FGF14: variants seen among roughly 807,000 people sequenced by gnomAD.
FGF14 encodes fibroblast growth factor homologous factor 4.
Under a neutral mutation model 25.5 loss-of-function variants are expected in FGF14, and 5 were observed. That is an observed-to-expected ratio of 0.20 (90% CI 0.10 to 0.41). The LOEUF is 0.41. FGF14 is among the 10% of genes least tolerant of loss of function. The pLI is 1.00. For synonymous variants in FGF14, 138 were observed against 118.3 expected (o/e 1.17, Z -1.08); for missense variants, 222 against 320.1 (o/e 0.69, Z 2.34).
intron 1 of FGF14, among the ~76,000 whole-genome samples, chr13:102,062,974 T>C (rs928081982): frequency 3.3e-5 from 5 of 152,220 alleles, no homozygotes; most frequent in Non-Finnish European, 5.9e-5. Context: ...AAAAATATGT[T>C]CTCTGCTAAG....
chr13:101,778,865 A>G (rs943514007), intron 3 of FGF14: 16 of 57,450 alleles, frequency 2.8e-4, no homozygotes, highest in African/African-American at 7.4e-4. Context: ...TGCTTTTAGA[A>G]AAAAAAAAAA....
rs541456137 is a variant in FGF14 at position 102,226,377 on chromosome 13, C to T, written c.208+175094G>A. Among the ~76,000 whole-genome samples the T allele has an allele frequency of 2.0e-5, 3 of 152,316 alleles. No homozygotes were observed. In the South Asian group the frequency reaches 6.2e-4, roughly 32 times the overall value. On this transcript the variant is annotated intron_variant, in intron 1 of 4. Transcript: ENST00000376131. ...AAAGAAAGAGCTCCATAAATAATAG[C>T]TAGCTATGCTAATTTTAAAGTTATC...
chr13:101,803,422 A>T (rs1203892727), intron 3 of FGF14, among the ~76,000 whole-genome samples: 1 of 152,140 alleles, frequency 6.6e-6, no homozygotes, highest in Non-Finnish European at 1.5e-5. Context: ...AAGCTATCAT[A>T]CCCAGCTGAA....
At chr13:102,247,147 G>A (rs539013516) in intron 1 of FGF14, among the ~76,000 whole-genome samples, 20 of 152,124 alleles carry the variant, frequency 1.3e-4, no homozygotes, top group African/African-American at 4.1e-4. Flanking sequence ...AGACAACCTA[G>A]GCAATATCAC....
chr13:101,865,867 A>T (rs1017880771), intron 3 of FGF14, among the ~76,000 whole-genome samples: 2 of 152,130 alleles, frequency 1.3e-5, no homozygotes, highest in African/African-American at 4.8e-5. Context: ...CAAAAATTAA[A>T]TTAACTTTTT....
At chr13:102,213,206 G>A (rs1042032763) in intron 1 of FGF14, among the ~76,000 whole-genome samples, 12 of 152,240 alleles carry the variant, frequency 7.9e-5, no homozygotes, top group Admixed American at 6.5e-4. Flanking sequence ...GAATTCTGCC[G>A]TTACCTTTTA....
intron 1 of FGF14, among the ~76,000 whole-genome samples, chr13:102,021,299 C>A (rs1425544791): frequency 6.6e-6 from 1 of 152,006 alleles, no homozygotes. Context: ...TTGAAACATT[C>A]TACTTAGCTC....
intron 3 of FGF14, among the ~76,000 whole-genome samples, chr13:101,792,016 T>G (rs1201118450): frequency 1.3e-5 from 2 of 152,168 alleles, no homozygotes; most frequent in African/African-American, 4.8e-5. Context: ...GAAGCCTTAT[T>G]TGGCCTTTGT....
intron 1 of FGF14, among the ~76,000 whole-genome samples, chr13:102,086,063 A>T (rs1282275218): frequency 6.6e-6 from 1 of 152,198 alleles, no homozygotes. Flanking sequence ...TTTAAAACCC[A>T]TGTAGGGATT....
intron 1 of FGF14, among the ~76,000 whole-genome samples, chr13:102,148,073 C>T (rs535415962): frequency 6.8e-4 from 103 of 152,136 alleles, no homozygotes; most frequent in Non-Finnish European, 1.3e-3. Flanking sequence ...AAGCATAGAG[C>T]CTCCAAGGCT....
chr13:101,939,835 G>A lies in FGF14; in HGVS notation c.209-64539C>T, dbSNP rs1014311368. On this transcript the variant is annotated intron_variant, in intron 1 of 4. Transcript: ENST00000376131. ...AAACCACCTCATATTAAATAAAAAC[G>A]AGACAAAGAAATGGCATGCTTTAGA... Among the ~76,000 whole-genome samples the A allele has an allele frequency of 3.3e-5, 5 of 152,264 alleles. No homozygotes were observed. In the South Asian group the frequency reaches 6.2e-4, roughly 19 times the overall value.
intron 1 of FGF14, among the ~76,000 whole-genome samples, chr13:102,275,999 C>T (rs1344356892): frequency 6.6e-6 from 1 of 151,974 alleles, no homozygotes; most frequent in African/African-American, 2.4e-5. Flanking sequence ...TGAGCTACTT[C>T]TCTACTACTG....
At chr13:101,746,248 G>A (rs749611326) in intron 3 of FGF14, among the ~76,000 whole-genome samples, 20 of 151,844 alleles carry the variant, frequency 1.3e-4, no homozygotes, top group Admixed American at 2.6e-4. Flanking sequence ...CAACTATTCA[G>A]TTAGAACCTA....
intron 1 of FGF14, among the ~76,000 whole-genome samples, chr13:102,268,289 A>G (rs1207257252): frequency 6.6e-6 from 1 of 152,144 alleles, no homozygotes; most frequent in East Asian, 1.9e-4. Flanking sequence ...TAATCCACAC[A>G]AAGGAATAAT....
At chr13:102,388,005 G>T (rs2058345753) in intron 1 of FGF14, among the ~76,000 whole-genome samples, 1 of 152,176 alleles carries the variant, frequency 6.6e-6, no homozygotes, top group African/African-American at 2.4e-5. Flanking sequence ...TGGGATTACA[G>T]GCACGAGCCA....
At chr13:102,079,272 A>G (rs2043506224) in intron 1 of FGF14, among the ~76,000 whole-genome samples, 1 of 152,150 alleles carries the variant, frequency 6.6e-6, no homozygotes, top group Non-Finnish European at 1.5e-5. Flanking sequence ...TCAAAAATCC[A>G]TGTTTAAAAT....
chr13:101,811,037 C>G (rs999096431), intron 3 of FGF14, among the ~76,000 whole-genome samples: 2 of 135,696 alleles, frequency 1.5e-5, no homozygotes, highest in African/African-American at 5.3e-5. Context: ...TATCCGCCCC[C>G]CCCGGCCCCC....
Position 101,875,063 on chromosome 13 carries a change from G to A in FGF14, c.304+123C>T. The A allele has an allele frequency of 5.4e-6, 4 of 735,734 alleles. No individual in the cohort carries two copies. In the South Asian group the frequency reaches 5.9e-5, roughly 11 times the overall value. The allele number at this position is 735,734 out of a possible 1,614,324, so 45.6% of individuals were successfully genotyped here. ...ATAAAATTGTAAATGGCATCCTAGT[G>A]TGTAACATTTGTAAAGATGAACCAA... On this transcript the variant is annotated intron_variant, in intron 2 of 4. Transcript: ENST00000376143.
chr13:101,797,751 G>A lies in FGF14; in HGVS notation c.409-70941C>T, dbSNP rs932942183. Among the ~76,000 whole-genome samples, 442 of 148,562 alleles carry A rather than the reference G, an allele frequency of 3.0e-3. 2 individuals carry two copies. Among genetic ancestry groups the A allele is most frequent in the Middle Eastern group, 7.0e-3 (2 of 284 alleles). On this transcript the variant is annotated intron_variant, in intron 3 of 4. Coordinates refer to ENST00000376143, the MANE Select transcript of FGF14 (RefSeq NM_004115.4). ...CATGAATTGATGTGTGTGTGTGTGT[G>A]TGTGTGTGTGTGTGTGTGTGTGTGT... is the stretch of plus-strand genomic sequence containing the variant.
Sources: allele counts gnomAD v4.1 joint callset (sites outside exome capture counted in the v4.1 genomes callset), GRCh38; gene constraint gnomAD v4.1.1; transcripts MANE v1.5; gene names NCBI Gene and HGNC (gene_info 2026-07-23, HGNC 2026-07-21).